The following TNRC6B variants were observed in gnomAD, a reference collection of about 807,000 sequenced individuals.
TNRC6B encodes trinucleotide repeat containing adaptor 6B, also known as trinucleotide repeat-containing gene 6B protein.
A neutral mutation model predicts 203.6 loss-of-function variants in TNRC6B; 52 were observed. The ratio of observed to expected loss-of-function variants is 0.26; its 90% CI spans 0.20 to 0.32. TNRC6B has a LOEUF of 0.32. Among genes scored for constraint, TNRC6B ranks in the 10% least tolerant of loss-of-function variants. TNRC6B has a pLI of 1.00. For missense variants in TNRC6B, 1,923 were observed against 2,286.2 expected (o/e 0.84, Z 3.24); for synonymous variants, 838 against 845.7 (o/e 0.99, Z 0.16).
Position 40,322,733 on chromosome 22 carries a change from A to G in TNRC6B, c.5115-121A>G, listed in dbSNP as rs1569070524. ...GGACTTTGCATTCTAAAAAGCGTTC[A>G]TGGATATGGCAGCTTCTAGTCAAAG... On this transcript the variant is annotated intron_variant, in intron 22 of 22. Transcript: ENST00000454349. The G allele has an allele frequency of 5.8e-6, 7 of 1,203,374 alleles. No individual in the cohort carries two copies. In the South Asian group the frequency reaches 7.4e-5, roughly 13 times the overall value. 74.5% of individuals were successfully genotyped at this position (1,203,374 alleles called of 1,614,324 possible). A position where few individuals can be genotyped will look rare whatever the true frequency, so the allele number is the denominator to read the frequency against.
intron 1 of TNRC6B, among the ~76,000 whole-genome samples, chr22:40,090,955 A>G (rs1246875478): frequency 6.6e-6 from 1 of 152,198 alleles, no homozygotes; most frequent in Non-Finnish European, 1.5e-5. Context: ...TCTTCATCCA[A>G]TGATGAGACA....
At chr22:40,221,528 C>A (rs185437547) in intron 1 of TNRC6B, among the ~76,000 whole-genome samples, 4 of 152,304 alleles carry the variant, frequency 2.6e-5, no homozygotes, top group East Asian at 1.9e-4. Context: ...CAGCCTCAAC[C>A]TCCCTGGCTC....
intron 3 of TNRC6B, among the ~76,000 whole-genome samples, chr22:40,147,143 C>A (rs1345247977): frequency 6.6e-6 from 1 of 152,164 alleles, no homozygotes; most frequent in Non-Finnish European, 1.5e-5. Context: ...CTGACACATG[C>A]TACAACATAG....
At chr22:40,314,500 C>T (rs771730890) in intron 19 of TNRC6B, among the ~76,000 whole-genome samples, 34 of 152,242 alleles carry the variant, frequency 2.2e-4, no homozygotes, top group African/African-American at 7.7e-4. Flanking sequence ...TGGGGGGGAA[C>T]ATATTCCATA....
intron 11 of TNRC6B, among the ~76,000 whole-genome samples, chr22:40,281,814 A>G (rs1264277907): frequency 1.3e-5 from 2 of 152,190 alleles, no homozygotes; most frequent in East Asian, 3.8e-4. Flanking sequence ...AAGCTTTGGG[A>G]AGAATGGGTA....
intron 15 of TNRC6B, among the ~76,000 whole-genome samples, chr22:40,306,921 G>T (rs370199778): frequency 6.6e-6 from 1 of 152,088 alleles, no homozygotes. Context: ...CCAGGAGGCG[G>T]AGGTTGCTGT....
chr22:40,246,796 G>A (rs539395776), intron 2 of TNRC6B, among the ~76,000 whole-genome samples: 22 of 151,992 alleles, frequency 1.4e-4, no homozygotes, highest in African/African-American at 4.3e-4. Context: ...TTCCACCCAC[G>A]GTGCTGTTGT....
intron 1 of TNRC6B, among the ~76,000 whole-genome samples, chr22:40,062,172 C>G (rs1303812630): frequency 6.6e-6 from 1 of 152,066 alleles, no homozygotes; most frequent in Non-Finnish European, 1.5e-5. Flanking sequence ...TGTTATAAAT[C>G]CCACAATATG....
At position 40,106,874 on chromosome 22, in the gene TNRC6B, A is replaced by G. The variant is rs3747180; in HGVS notation, c.-120-10181A>G. On this transcript the variant is annotated intron_variant, in intron 1 of 23. Coordinates refer to the TNRC6B transcript ENST00000301923. ...CGCCATTCGAATTTCAGTTCTGTCCATCTGCCTATGTTCCTTGTGACAGTG... is the reference window on the plus strand; with the variant it reads ...CGCCATTCGAATTTCAGTTCTGTCCGTCTGCCTATGTTCCTTGTGACAGTG... 3.5e-3 allele frequency: 3,461 copies of G among 984,666 alleles called. 98 individuals are homozygous for G. In the East Asian group the frequency reaches 0.064, roughly 18 times the overall value. The allele number at this position is 984,666 out of a possible 1,614,324, so 61.0% of individuals were successfully genotyped here.
chr22:40,191,039 C>T (rs143282695), intron 1 of TNRC6B, among the ~76,000 whole-genome samples: 11 of 152,136 alleles, frequency 7.2e-5, no homozygotes, highest in African/African-American at 2.7e-4. Flanking sequence ...ATAAAGACGA[C>T]GCTTCGGAAT....
At chr22:40,155,913 T>C (rs547569812) in intron 3 of TNRC6B, among the ~76,000 whole-genome samples, 4 of 152,348 alleles carry the variant, frequency 2.6e-5, no homozygotes, top group East Asian at 1.9e-4. Flanking sequence ...GTCAGAGTTA[T>C]GTGTTTTGCC....
At chr22:40,106,448 G>A (rs567532796) in intron 1 of TNRC6B, 33 of 815,824 alleles carry the variant, frequency 4.0e-5, no homozygotes, top group Middle Eastern at 2.8e-4. Context: ...GCCACAGGAA[G>A]TTATTTGCTT....
At chr22:40,236,636 T>C in intron 1 of TNRC6B, among the ~76,000 whole-genome samples, 1 of 152,130 alleles carries the variant, frequency 6.6e-6, no homozygotes, top group South Asian at 2.1e-4. Context: ...ATCCAGACCT[T>C]AATGGAAGGG....
chr22:40,247,250 A>G (rs1275939020), intron 2 of TNRC6B, among the ~76,000 whole-genome samples: 1 of 152,108 alleles, frequency 6.6e-6, no homozygotes, highest in Admixed American at 6.6e-5. Context: ...CTACTGTGGG[A>G]AAGGTTCGAG....
chr22:40,075,344 A>T (rs1282384967), intron 1 of TNRC6B, among the ~76,000 whole-genome samples: 1 of 150,684 alleles, frequency 6.6e-6, no homozygotes, highest in Non-Finnish European at 1.5e-5. Context: ...TAGGATTTTT[A>T]TGTCTTCTCA....
chr22:40,288,065 ATTAG>A (rs750568411), intron 12 of TNRC6B, among the ~76,000 whole-genome samples: 3 of 152,104 alleles, frequency 2.0e-5, no homozygotes, highest in Non-Finnish European at 4.4e-5. Context: ...ACTCTGAATA[ATTAG>A]TTAGAGCTTG....
At chr22:40,232,411 C>T (rs779128324) in intron 1 of TNRC6B, among the ~76,000 whole-genome samples, 9 of 152,136 alleles carry the variant, frequency 5.9e-5, no homozygotes, top group Non-Finnish European at 1.2e-4. Flanking sequence ...TGGATAACTG[C>T]ACATATTTGG....
chr22:40,158,579 A>G (rs1315271784), intron 4 of TNRC6B, among the ~76,000 whole-genome samples: 1 of 152,176 alleles, frequency 6.6e-6, no homozygotes, highest in East Asian at 1.9e-4. Context: ...AGATTCTCCT[A>G]CAAGTTTTAT....
At chr22:40,188,412 G>A (rs1259948521) in intron 1 of TNRC6B, among the ~76,000 whole-genome samples, 1 of 152,132 alleles carries the variant, frequency 6.6e-6, no homozygotes, top group East Asian at 1.9e-4. Flanking sequence ...TGTTTAATCA[G>A]TATGACTTCT....
Sources: gnomAD v4.1 joint callset for allele counts (sites outside exome capture counted in the v4.1 genomes callset) on GRCh38, gnomAD v4.1.1 for gene constraint, MANE v1.5 for transcripts, NCBI Gene and HGNC (gene_info 2026-07-23, HGNC 2026-07-21) for gene names.